SOHLH1: variants seen among roughly 807,000 people sequenced by gnomAD.
The protein encoded by SOHLH1 is spermatogenesis- and oogenesis-specific basic helix-loop-helix-containing protein 1.
In SOHLH1, 23 loss-of-function variants were observed where a neutral mutation model predicts 36.2. That is an observed-to-expected ratio of 0.64 (90% CI 0.46 to 0.90). The LOEUF is 0.90. SOHLH1 is among the 40% of genes least tolerant of loss of function. The pLI is 0.00. For missense variants in SOHLH1, 608 were observed against 517.0 expected, an observed-to-expected ratio of 1.18 and a Z score of -1.71; for synonymous variants, 289 against 228.3, an observed-to-expected ratio of 1.27 and a Z score of -2.40.
At chr9:135,696,587 C>T in intron 5 of SOHLH1, 25 bp downstream of exon 5, 6 of 1,610,782 alleles carry the variant, frequency 3.7e-6, no homozygotes, top group Non-Finnish European at 5.1e-6. Context: ...GCCAAAGGCA[C>T]CCCACATGCA....
intron 2 of SOHLH1, 134 bp from the exon 3 acceptor site, chr9:135,698,610 C>G: frequency 7.7e-7 from 1 of 1,304,106 alleles, no homozygotes; most frequent in Non-Finnish European, 1.1e-6. Context: ...CTCAGAGCTG[C>G]CCCCGTGGTC....
intron 3 of SOHLH1, among the ~76,000 whole-genome samples, 169 bp downstream of exon 3, chr9:135,698,160 G>C (rs1330116749): frequency 6.6e-6 from 1 of 152,176 alleles, no homozygotes; most frequent in Non-Finnish European, 1.5e-5. Context: ...AACAGGTAAG[G>C]CTTGAACAAA....
intron 2 of SOHLH1, among the ~76,000 whole-genome samples, 186 bp from the exon 3 acceptor site, chr9:135,698,662 C>A (rs1834906944): frequency 6.6e-6 from 1 of 152,190 alleles, no homozygotes; most frequent in Admixed American, 6.5e-5. Flanking sequence ...CTGGGCCTGA[C>A]CCCTGGACCT....
chr9:135,699,825 A>T (rs919076583), upstream of SOHLH1, among the ~76,000 whole-genome samples: 12 of 151,534 alleles, frequency 7.9e-5, no homozygotes, highest in African/African-American at 2.7e-4. Flanking sequence ...GCCCTTGGGC[A>T]CTTTGGAGAT....
intron 6 of SOHLH1, 72 bp downstream of exon 6, chr9:135,694,978 G>A (rs1452827408): frequency 1.8e-5 from 26 of 1,450,722 alleles, no homozygotes; most frequent in African/African-American, 2.8e-5. Context: ...AGGACTGGGA[G>A]GAGGTGGGAC....
intron 6 of SOHLH1, among the ~76,000 whole-genome samples, chr9:135,694,827 A>T (rs1834724918): frequency 6.6e-6 from 1 of 152,110 alleles, no homozygotes; most frequent in Non-Finnish European, 1.5e-5. Context: ...TTAGGAAGAC[A>T]AAAGTGTTTC....
At chr9:135,696,386 A>AT (rs1234445221) in intron 5 of SOHLH1, among the ~76,000 whole-genome samples, 1 of 152,016 alleles carries the variant, frequency 6.6e-6, no homozygotes, top group Non-Finnish European at 1.5e-5. Context: ...CTCGAGCCAC[A>AT]CTTCCTCCCT....
chr9:135,697,125 C>T (rs1449603231), intron 4 of SOHLH1, among the ~76,000 whole-genome samples: 2 of 152,330 alleles, frequency 1.3e-5, no homozygotes, highest in South Asian at 2.1e-4. Flanking sequence ...TGGGGAGCTG[C>T]CATTCTGAAA....
At position 135,699,373 on chromosome 9, in the gene SOHLH1, A is replaced by C. The variant is rs751931308; in HGVS notation, c.65+30T>G. On this transcript the variant is annotated intron_variant, in intron 1 of 7. Transcript: ENST00000425225. ...CCCTGGGTACAGGCCTTGGGCCCCC[A>C]ACCCCTTGGCCGCCAGCCCAATTCC... 15 of 1,602,186 alleles carry C rather than the reference A, an allele frequency of 9.4e-6. 1 individual carries two copies. In the South Asian group the frequency reaches 1.7e-4, roughly 18 times the overall value.
Position 135,696,773 on chromosome 9 carries a change from G to T in SOHLH1, c.500C>A (p.Pro167His). Reference sequence around the variant, plus strand: ...GGCCGACGCTGGATCCAGGGACCAAGGACTTTCCAGAAACGCCTTCACATC... The same window carrying T: ...GGCCGACGCTGGATCCAGGGACCAATGACTTTCCAGAAACGCCTTCACATC... ...TPDVKAFLES[P>H]WSLDPASASP... The change falls in exon 5 of 8, where the codon CCT (proline) becomes CAT (histidine). Residue 167 changes from proline (P) to histidine (H), a missense_variant. Physicochemically the swap from Pro to His is moderately conservative, Grantham distance 77. Transcript: ENST00000425225. 1 of 1,613,076 alleles carries T rather than the reference G, an allele frequency of 6.2e-7. No individual in the cohort carries two copies. Among genetic ancestry groups the T allele is most frequent in the Non-Finnish European group, 8.5e-7 (1 of 1,179,996 alleles).
At chr9:135,696,329 T>C (rs191872891) in intron 5 of SOHLH1, among the ~76,000 whole-genome samples, 24 of 152,134 alleles carry the variant, frequency 1.6e-4, no homozygotes, top group African/African-American at 5.3e-4. Context: ...GGAGACAGGA[T>C]AGAAGGAACA....
rs1198774472 is a variant in SOHLH1, at chr9:135,699,146, C to T, written c.66-20G>A. Reference sequence around the variant, plus strand: ...GAGCCGCTGCCGAGAAAGCCAAGAGCACCGGGCCCTGAGAACCCCAGAAAA... The same window carrying T: ...GAGCCGCTGCCGAGAAAGCCAAGAGTACCGGGCCCTGAGAACCCCAGAAAA... On this transcript the variant is annotated intron_variant, in intron 1 of 7. Transcript: ENST00000425225. 1.3e-6 allele frequency: 2 copies of T among 1,582,148 alleles called. No individual in the cohort carries two copies. Among genetic ancestry groups the T allele is most frequent in the Middle Eastern group, 2.2e-4 (1 of 4,608 alleles).
chr9:135,695,151 C>T lies in SOHLH1; in HGVS notation c.774G>A (p.Gly258=). ...SQQQTLPVMS[G]EALGWLGQAG... is the part of the protein sequence containing the mutation. ...CCTGGCCCAGCCAGCCAAGGGCCTC[C>T]CCGCTCATCACGGGCAAGGTCTGCT... is the stretch of plus-strand genomic sequence containing the variant. Residue 258 remains glycine, a synonymous_variant, in exon 6 of 8, where the codon GGG becomes GGA. Coordinates refer to ENST00000425225, the MANE Select transcript of SOHLH1 (RefSeq NM_001101677.2). 6.2e-7 allele frequency: 1 copy of T among 1,600,546 alleles called. No homozygotes were observed. Among genetic ancestry groups the T allele is most frequent in the Non-Finnish European group, 8.5e-7 (1 of 1,175,416 alleles).
intron 2 of SOHLH1, among the ~76,000 whole-genome samples, 154 bp from the exon 3 acceptor site, chr9:135,698,630 G>A (rs1420784891): frequency 6.6e-6 from 1 of 152,158 alleles, no homozygotes; most frequent in Non-Finnish European, 1.5e-5. Flanking sequence ...CTGAAGCCCC[G>A]AGATCCACAT....
Position 135,693,738 on chromosome 9 carries a change from T to C in SOHLH1, c.1023A>G (p.Pro341=). ...AESSPLDVGE[P]GFLGDPELGS... ...CAAGCTCAGGGTCCCCTAGGAAGCC[T>C]GGCTCTCCAACATCCAGTGGACTGC... Residue 341 remains proline, a synonymous_variant, in exon 8 of 8, where the codon CCA becomes CCG. Transcript: ENST00000425225. 1 of 1,575,778 alleles carries C rather than the reference T, an allele frequency of 6.3e-7. No individual in the cohort carries two copies. The highest frequency in any genetic ancestry group is 2.4e-5 in the East Asian group (1 of 42,372).
chr9:135,694,433 G>A lies in SOHLH1; in HGVS notation c.900C>T (p.Asp300=), dbSNP rs369773381. The A allele has an allele frequency of 5.9e-5, 95 of 1,613,086 alleles. No homozygotes were observed. Among genetic ancestry groups the A allele is most frequent in the South Asian group, 1.6e-4 (15 of 91,086 alleles). The part of the protein sequence containing the change: ...EAGSALGSDV[D]DGTSFLLTAG... Reference sequence around the variant, plus strand: ...CAGTCAGCAGGAAGGACGTCCCATCGTCCACATCAGACCCCAACGCAGACC... The same window carrying A: ...CAGTCAGCAGGAAGGACGTCCCATCATCCACATCAGACCCCAACGCAGACC... Residue 300 remains aspartate (D), a synonymous_variant, in exon 7 of 8, where the codon GAC becomes GAT. Coordinates refer to ENST00000425225, the MANE Select transcript of SOHLH1 (RefSeq NM_001101677.2).
intron 4 of SOHLH1, among the ~76,000 whole-genome samples, chr9:135,697,031 T>C (rs539806972): frequency 9.2e-5 from 14 of 152,304 alleles, no homozygotes; most frequent in Admixed American, 1.3e-4. Context: ...CTTCCACAGC[T>C]AATTAGCCAC....
At chr9:135,695,426 G>A (rs1214565772) in intron 5 of SOHLH1, among the ~76,000 whole-genome samples, 163 bp from the exon 6 acceptor site, 1 of 152,120 alleles carries the variant, frequency 6.6e-6, no homozygotes, top group African/African-American at 2.4e-5. Context: ...TCAGAAGCGG[G>A]TGGCACACAG....
intron 3 of SOHLH1, 44 bp downstream of exon 3, chr9:135,698,285 A>G (rs1834888758): frequency 1.2e-6 from 2 of 1,611,860 alleles, no homozygotes; most frequent in Non-Finnish European, 1.7e-6. Context: ...ATGTCCCATC[A>G]CCGTGATGCC....
Sources: allele counts gnomAD v4.1 joint callset (sites outside exome capture counted in the v4.1 genomes callset), GRCh38; gene constraint gnomAD v4.1.1; transcripts MANE v1.5; gene names NCBI Gene and HGNC (gene_info 2026-07-23, HGNC 2026-07-21).